PDE8B: variants seen among roughly 807,000 people sequenced by gnomAD.
PDE8B encodes phosphodiesterase 8B, also known as high affinity cAMP-specific and IBMX-insensitive 3',5'-cyclic phosphodiesterase 8B.
Under a neutral mutation model 101.3 loss-of-function variants are expected in PDE8B, and 26 were observed. The observed-to-expected ratio is 0.26, with a 90% confidence interval of 0.19 to 0.36. The LOEUF is 0.36. PDE8B is among the 10% of genes least tolerant of loss of function. The probability of loss-of-function intolerance (pLI) is 1.00; values close to 1 mark genes in which losing one functional copy is unlikely to be tolerated. For missense variants in PDE8B, 810 were observed against 1,163.1 expected (o/e 0.70, Z 4.42); for synonymous variants, 424 against 429.3 (o/e 0.99, Z 0.15).
intron 1 of PDE8B, among the ~76,000 whole-genome samples, chr5:77,245,854 C>CCCCCCCCCG (rs1756807720): frequency 2.6e-5 from 2 of 77,086 alleles, no homozygotes; most frequent in African/African-American, 1.5e-4. Context: ...CCCCCGCCCC[C>CCCCCCCCCG]CCCCCCCAAC....
chr5:77,206,649 G>A (rs894288112), upstream of PDE8B, among the ~76,000 whole-genome samples: 1 of 152,162 alleles, frequency 6.6e-6, no homozygotes, highest in Non-Finnish European at 1.5e-5. Flanking sequence ...CAGGATCCAC[G>A]TCGGGTAGGG....
chr5:77,362,873 C>T (rs59062505), intron 10 of PDE8B, among the ~76,000 whole-genome samples: 2 of 152,076 alleles, frequency 1.3e-5, no homozygotes, highest in South Asian at 2.1e-4. Flanking sequence ...TGACTGCCCC[C>T]GGCCACCTCT....
At chr5:77,129,939 A>G in the PDE8B span, among the ~76,000 whole-genome samples, 7 of 152,196 alleles carry the variant, frequency 4.6e-5, no homozygotes, top group Non-Finnish European at 1.5e-5. Context: ...ATGTTTTTCT[A>G]ATGAAACTCC....
At position 77,267,728 on chromosome 5, in the gene PDE8B, A is replaced by G. The variant is rs139558389; in HGVS notation, c.340-44266A>G. Among the ~76,000 whole-genome samples, 347 of 152,298 alleles carry G rather than the reference A, an allele frequency of 2.3e-3. 2 individuals carry two copies. Among genetic ancestry groups the G allele is most frequent in the African/African-American group, 8.0e-3 (332 of 41,562 alleles). On this transcript the variant is annotated intron_variant, in intron 1 of 21. Coordinates refer to ENST00000264917, the MANE Select transcript of PDE8B (RefSeq NM_003719.5). Reference sequence around the variant, plus strand: ...GTGTTTCTCACAAGCCTCTTCAGTCATCATGTTGACCCAATCCCCAGACAA... The same window carrying G: ...GTGTTTCTCACAAGCCTCTTCAGTCGTCATGTTGACCCAATCCCCAGACAA...
upstream of PDE8B, among the ~76,000 whole-genome samples, chr5:77,206,859 T>C (rs945725133): frequency 6.6e-6 from 1 of 152,164 alleles, no homozygotes; most frequent in African/African-American, 2.4e-5. Context: ...TGTTCAAAAG[T>C]CCCACAATTC....
chr5:77,366,229 T>C (rs113696295), intron 10 of PDE8B, among the ~76,000 whole-genome samples: 4,748 of 152,254 alleles, frequency 0.031, 116 homozygotes, highest in Non-Finnish European at 0.044. Flanking sequence ...ATGAGAACTT[T>C]GGTTTTTTTT....
the PDE8B span, among the ~76,000 whole-genome samples, chr5:77,204,451 A>G: frequency 6.6e-6 from 1 of 152,142 alleles, no homozygotes; most frequent in African/African-American, 2.4e-5. Flanking sequence ...CATTTGGCAA[A>G]CAACAATATT....
intron 10 of PDE8B, among the ~76,000 whole-genome samples, chr5:77,376,909 ATC>A (rs1786244167): frequency 6.6e-6 from 1 of 152,090 alleles, no homozygotes; most frequent in African/African-American, 2.4e-5. Context: ...GAAATGTTGG[ATC>A]TCTCTCATTC....
the PDE8B span, among the ~76,000 whole-genome samples, chr5:77,126,430 A>G: frequency 6.6e-6 from 1 of 152,146 alleles, no homozygotes; most frequent in African/African-American, 2.4e-5. Context: ...TTTCCTACAA[A>G]CTTTATTTTT....
At chr5:77,318,498 C>A (rs543604235) in intron 2 of PDE8B, among the ~76,000 whole-genome samples, 14 of 152,202 alleles carry the variant, frequency 9.2e-5, no homozygotes, top group Admixed American at 8.5e-4. Flanking sequence ...AGTTTTTTAA[C>A]CATCTAAGCC....
chr5:77,299,054 G>A (rs1489627199), intron 1 of PDE8B, among the ~76,000 whole-genome samples: 1 of 152,158 alleles, frequency 6.6e-6, no homozygotes, highest in Non-Finnish European at 1.5e-5. Flanking sequence ...TGCACTTGTA[G>A]CTTTGTATGT....
intron 10 of PDE8B, among the ~76,000 whole-genome samples, chr5:77,370,878 C>T (rs1784972874): frequency 6.6e-6 from 1 of 152,158 alleles, no homozygotes; most frequent in Admixed American, 6.5e-5. Context: ...TTAATTTGCA[C>T]TTCTCTGATG....
At chr5:77,320,840 A>G (rs965722108) in intron 2 of PDE8B, among the ~76,000 whole-genome samples, 4 of 152,192 alleles carry the variant, frequency 2.6e-5, no homozygotes, top group Non-Finnish European at 4.4e-5. Context: ...TTAATAGTCA[A>G]TAAATCTTAA....
chr5:77,176,260 G>C, the PDE8B span, among the ~76,000 whole-genome samples: 1 of 152,130 alleles, frequency 6.6e-6, no homozygotes, highest in East Asian at 1.9e-4. Context: ...TGAATGGGGT[G>C]AAGTTGGTTT....
the PDE8B span, among the ~76,000 whole-genome samples, chr5:77,093,236 T>G: frequency 1.3e-5 from 2 of 152,208 alleles, no homozygotes; most frequent in East Asian, 3.8e-4. Flanking sequence ...GCATAGGTGG[T>G]TGATTACTAA....
At chr5:77,237,973 G>T (rs1405307513) in intron 1 of PDE8B, among the ~76,000 whole-genome samples, 8 of 151,980 alleles carry the variant, frequency 5.3e-5, no homozygotes, top group Non-Finnish European at 1.5e-5. Flanking sequence ...TTTGAATTAT[G>T]GTCCCCCTGT....
intron 1 of PDE8B, among the ~76,000 whole-genome samples, chr5:77,297,465 T>A (rs974615618): frequency 3.9e-5 from 6 of 152,132 alleles, no homozygotes; most frequent in Non-Finnish European, 8.8e-5. Flanking sequence ...ATTCAATAGA[T>A]CTCGGATGGG....
At chr5:77,141,898 T>C in the PDE8B span, 1 of 152,186 alleles carries the variant, frequency 6.6e-6, no homozygotes, top group Non-Finnish European at 1.5e-5. Context: ...AGGATATGAA[T>C]TGTTATAATG....
At chr5:77,116,567 A>G in the PDE8B span, among the ~76,000 whole-genome samples, 1 of 152,166 alleles carries the variant, frequency 6.6e-6, no homozygotes, top group Non-Finnish European at 1.5e-5. Flanking sequence ...CTAAGGACAC[A>G]GTTTTAATAG....
Sources: allele counts gnomAD v4.1 joint callset (sites outside exome capture counted in the v4.1 genomes callset), GRCh38; gene constraint gnomAD v4.1.1; transcripts MANE v1.5; gene names NCBI Gene and HGNC (gene_info 2026-07-23, HGNC 2026-07-21).